Variants in ARK2N observed in about 807,000 individuals in gnomAD.
ARK2N encodes arkadia (RNF111) N-terminal like PKA signaling regulator 2N, also known as protein ARK2N.
chr18:46,183,469 T>G, the ARK2N span, among the ~76,000 whole-genome samples: 1 of 152,198 alleles, frequency 6.6e-6, no homozygotes, highest in Non-Finnish European at 1.5e-5. Flanking sequence ...TGCATAATAT[T>G]TGGTTCCCTG....
chr18:46,177,470 T>C, the ARK2N span, among the ~76,000 whole-genome samples: 2,464 of 147,764 alleles, frequency 0.017, 69 homozygotes, highest in African/African-American at 0.058. Flanking sequence ...CTTACTCTGT[T>C]GCCCAGGCTG....
the ARK2N span, among the ~76,000 whole-genome samples, chr18:46,258,928 T>A: frequency 6.6e-6 from 1 of 152,122 alleles, no homozygotes; most frequent in Non-Finnish European, 1.5e-5. Context: ...TGGTATAAAT[T>A]TTTGTGTAAT....
the ARK2N span, among the ~76,000 whole-genome samples, chr18:46,181,745 G>A: frequency 6.6e-6 from 1 of 152,088 alleles, no homozygotes; most frequent in African/African-American, 2.4e-5. Flanking sequence ...AATTGTGCTT[G>A]GGTAGTCTAG....
At chr18:46,176,009 A>G in the ARK2N span, among the ~76,000 whole-genome samples, 1 of 152,286 alleles carries the variant, frequency 6.6e-6, no homozygotes, top group Admixed American at 6.5e-5. Context: ...TTAATTCAAA[A>G]CCCATATAGT....
At chr18:46,216,089 A>C in the ARK2N span, 5 of 1,614,034 alleles carry the variant, frequency 3.1e-6, no homozygotes, top group African/African-American at 6.7e-5. The surrounding 1 kb of genome is among the most constrained non-coding windows in gnomAD (Gnocchi z 4.3). Context: ...TCTGAGTCTC[A>C]GTTAGCATCC....
At chr18:46,215,557 A>G in the ARK2N span, among the ~76,000 whole-genome samples, 1 of 152,196 alleles carries the variant, frequency 6.6e-6, no homozygotes, top group African/African-American at 2.4e-5. Context: ...AAACTTGAAA[A>G]TGTTCATTAC....
At chr18:46,216,128 G>A in the ARK2N span, 322 of 1,613,918 alleles carry the variant, frequency 2.0e-4, no homozygotes, top group Non-Finnish European at 2.4e-4. The surrounding 1 kb of genome is among the most constrained non-coding windows in gnomAD (Gnocchi z 4.3). Context: ...ACAACTGGCC[G>A]AGTTTATGAG....
the ARK2N span, among the ~76,000 whole-genome samples, chr18:46,210,866 G>A: frequency 6.6e-6 from 1 of 151,600 alleles, no homozygotes; most frequent in African/African-American, 2.4e-5. Context: ...AGCCAGGATG[G>A]CGCCCCTGCA....
At chr18:46,191,193 T>C in the ARK2N span, among the ~76,000 whole-genome samples, 1 of 152,150 alleles carries the variant, frequency 6.6e-6, no homozygotes, top group African/African-American at 2.4e-5. Flanking sequence ...TTAATAGACT[T>C]TATTTTTTAG....
chr18:46,253,541 C>T, the ARK2N span, among the ~76,000 whole-genome samples: 1 of 152,110 alleles, frequency 6.6e-6, no homozygotes, highest in Non-Finnish European at 1.5e-5. Flanking sequence ...AGAACACTGC[C>T]CCAGCTTATT....
chr18:46,261,251 A>G, the ARK2N span, among the ~76,000 whole-genome samples: 1 of 152,242 alleles, frequency 6.6e-6, no homozygotes, highest in Non-Finnish European at 1.5e-5. Context: ...TAAAGCAACA[A>G]CATGATATGG....
chr18:46,242,089 G>A, the ARK2N span, among the ~76,000 whole-genome samples: 9 of 152,202 alleles, frequency 5.9e-5, no homozygotes, highest in Admixed American at 5.2e-4. Context: ...GATTACAGGC[G>A]TGAACCACTG....
the ARK2N span, among the ~76,000 whole-genome samples, chr18:46,202,785 C>T: frequency 2.1e-5 from 3 of 143,340 alleles, no homozygotes; most frequent in African/African-American, 2.6e-5. Context: ...GAGACTCGGT[C>T]GCAAAAAAAT....
the ARK2N span, among the ~76,000 whole-genome samples, chr18:46,175,032 G>A: frequency 6.6e-6 from 1 of 152,112 alleles, no homozygotes; most frequent in African/African-American, 2.4e-5. Context: ...TTTCAAAACC[G>A]GCGAGGATGT....
At chr18:46,220,141 G>A in the ARK2N span, among the ~76,000 whole-genome samples, 31 of 152,238 alleles carry the variant, frequency 2.0e-4, 1 homozygote, top group South Asian at 4.1e-3. Flanking sequence ...TATTCACACC[G>A]AAGTTCCAAA....
the ARK2N span, among the ~76,000 whole-genome samples, chr18:46,191,764 C>T: frequency 6.6e-6 from 1 of 152,146 alleles, no homozygotes; most frequent in African/African-American, 2.4e-5. Flanking sequence ...CATGTATCTA[C>T]CATTACAGCG....
chr18:46,208,811 A>G, the ARK2N span, among the ~76,000 whole-genome samples: 1 of 152,194 alleles, frequency 6.6e-6, no homozygotes, highest in Admixed American at 6.5e-5. Context: ...TGGAATGGAC[A>G]TCAGACAGTT....
chr18:46,262,886 G>A, the ARK2N span: 1 of 1,583,118 alleles, frequency 6.3e-7, no homozygotes, highest in Non-Finnish European at 8.7e-7. Context: ...TGTTTTTCCT[G>A]TGGTGGAATT....
chr18:46,208,465 T>G, the ARK2N span, among the ~76,000 whole-genome samples: 3 of 16,802 alleles, frequency 1.8e-4, no homozygotes, highest in Non-Finnish European at 4.3e-4. Context: ...TTCTTAAATC[T>G]TTTTTTTTTT....
Sources: allele counts gnomAD v4.1 joint callset (sites outside exome capture counted in the v4.1 genomes callset), GRCh38; gene constraint gnomAD v4.1.1; non-coding constraint Gnocchi (gnomAD v3.1); transcripts MANE v1.5; gene names NCBI Gene and HGNC (gene_info 2026-07-23, HGNC 2026-07-21).